DST: variants seen among roughly 807,000 people sequenced by gnomAD.
DST encodes dystonin.
A neutral mutation model predicts 875.2 loss-of-function variants in DST; 253 were observed. The ratio of observed to expected loss-of-function variants is 0.29; its 90% CI spans 0.26 to 0.32. The LOEUF (loss-of-function observed/expected upper bound fraction) is 0.32, where lower values mean the gene tolerates loss of function less well. Ranked by LOEUF, DST falls within the 10% of genes least tolerant of loss-of-function variation. DST has a pLI of 1.00. For missense variants in DST, 8,287 were observed against 9,111.6 expected (o/e 0.91, Z 3.68); for synonymous variants, 3,124 against 3,197.1 (o/e 0.98, Z 0.77).
chr6:56,749,167 A>AGG (rs2099580509), intron 4 of DST, among the ~76,000 whole-genome samples: 1 of 152,122 alleles, frequency 6.6e-6, no homozygotes, highest in Non-Finnish European at 1.5e-5. Context: ...AGGCTGGCCA[A>AGG]CATGGTGAAA....
At chr6:56,935,621 C>A (rs1273936529) in intron 2 of DST, among the ~76,000 whole-genome samples, 2 of 152,070 alleles carry the variant, frequency 1.3e-5, no homozygotes, top group South Asian at 2.1e-4. Flanking sequence ...GAGACAAATG[C>A]AGAAAATATA....
chr6:56,710,240 G>A (rs1300321968), intron 5 of DST, among the ~76,000 whole-genome samples: 1 of 152,150 alleles, frequency 6.6e-6, no homozygotes, highest in Non-Finnish European at 1.5e-5. Flanking sequence ...AATGAACCTT[G>A]GGTAAAATGC....
chr6:56,721,243 CT>C (rs1167774053), intron 5 of DST, among the ~76,000 whole-genome samples: 1 of 152,130 alleles, frequency 6.6e-6, no homozygotes, highest in African/African-American at 2.4e-5. Flanking sequence ...CTATCCTGTT[CT>C]TTTTTCAACA....
chr6:56,473,554 T>TAA (rs1484682254), intron 93 of DST, among the ~76,000 whole-genome samples: 1 of 152,184 alleles, frequency 6.6e-6, no homozygotes, highest in Non-Finnish European at 1.5e-5. Context: ...GTTATATATA[T>TAA]AATGGAAGAC....
chr6:56,468,992 A>C lies in DST; in HGVS notation c.22559T>G (p.Leu7520Arg). Residue 7520 changes from leucine (L) to arginine (R), a missense_variant, in exon 98 of 104, where the codon CTG (leucine) becomes CGG (arginine). Leu to Arg is a moderately radical substitution (Grantham distance 102). Transcript: ENST00000680361. ...QIGDNKYRFF[L>R]GNQFGDSQQL... ...TCCACTGGTTTATACCTGATTTCCC[A>C]GGAAGAACTGATAAAAATGAAAAAT... The C allele has an allele frequency of 6.3e-7, 1 of 1,579,116 alleles. No individual in the cohort carries two copies. The highest frequency in any genetic ancestry group is 8.6e-7 in the Non-Finnish European group (1 of 1,160,642).
chr6:56,691,711 T>C (rs550431410), intron 9 of DST, among the ~76,000 whole-genome samples: 1 of 152,078 alleles, frequency 6.6e-6, no homozygotes, highest in South Asian at 2.2e-4. Flanking sequence ...TAAAGCTAAA[T>C]ATCAGTGTTA....
Position 56,489,557 on chromosome 6 carries a change from G to C in DST, c.20810C>G (p.Ser6937Cys). Residue 6937 changes from serine (S) to cysteine (C), a missense_variant, in exon 86 of 104, where the codon TCT becomes TGT. Ser to Cys is a moderately radical substitution (Grantham distance 112, BLOSUM62 -1). This residue lies in a region of DST where 1,292 missense variants were observed against 1,552.7 expected (regional missense o/e 0.83). Coordinates refer to ENST00000680361, the MANE Select transcript of DST (RefSeq NM_001374736.1). ...TGCGATTTCCAGTTCAGAATCCAAAGACTTTTCTGACTCTTCTAGCCACTC... is the reference window on the plus strand; with the variant it reads ...TGCGATTTCCAGTTCAGAATCCAAACACTTTTCTGACTCTTCTAGCCACTC... The part of the protein sequence containing the change: ...LMEWLEESEK[S>C]LDSELEIAND... 1 of 1,613,140 alleles carries C rather than the reference G, an allele frequency of 6.2e-7. No homozygotes were observed. Among genetic ancestry groups the C allele is most frequent in the Middle Eastern group, 1.7e-4 (1 of 6,058 alleles).
chr6:56,590,474 C>A (rs559567338), intron 49 of DST, among the ~76,000 whole-genome samples: 8 of 152,100 alleles, frequency 5.3e-5, no homozygotes, highest in Admixed American at 2.0e-4. Context: ...TTAAATGATA[C>A]GTATTTCCTA....
chr6:56,900,627 G>GC lies in DST; in HGVS notation c.217-7dup. ...CGAGGGCTTGCTCTGAATCCCTGTG[G>GC]CAGAAAACACAACCAAGCAAATCCA... On this transcript the variant is annotated splice_region_variant and splice_polypyrimidine_tract_variant and intron_variant, in intron 2 of 103. Coordinates refer to ENST00000680361, the MANE Select transcript of DST (RefSeq NM_001374736.1). 7.3e-7 allele frequency: 1 copy of GC among 1,366,722 alleles called. No homozygotes were observed. The highest frequency in any genetic ancestry group is 9.8e-7 in the Non-Finnish European group (1 of 1,021,498). 84.7% of individuals were successfully genotyped at this position (1,366,722 alleles called of 1,614,324 possible).
Position 56,472,154 on chromosome 6 carries a change from T to C in DST, c.22063A>G (p.Arg7355Gly), listed in dbSNP as rs1254782360. ...SQTQIETKNP[R>G]VNLLVSKWQQ... ...CATTTGCTCACCAGTAAGTTTACCC[T>C]AGGATTTTTGGTTTCAATTTGTGTC... The change falls in exon 94 of 104, where the codon AGG (arginine) becomes GGG (glycine). Residue 7355 changes from arginine to glycine, a missense_variant. By Grantham distance (125) the Arg-to-Gly change is moderately radical (BLOSUM62 -2). This residue lies in a region of DST where 1,292 missense variants were observed against 1,552.7 expected (regional missense o/e 0.83). Coordinates refer to ENST00000680361, the MANE Select transcript of DST (RefSeq NM_001374736.1). 6.2e-7 allele frequency: 1 copy of C among 1,613,808 alleles called. No individual in the cohort carries two copies. Among genetic ancestry groups the C allele is most frequent in the Non-Finnish European group, 8.5e-7 (1 of 1,179,846 alleles).
chr6:56,565,635 C>CATCTCATGAGATGTCT (rs2097661741), intron 55 of DST, among the ~76,000 whole-genome samples: 1 of 152,184 alleles, frequency 6.6e-6, no homozygotes, highest in Non-Finnish European at 1.5e-5. Flanking sequence ...TGTCTGTCGA[C>CATCTCATGAGATGTCT]CCCTGCTGGG....
intron 9 of DST, among the ~76,000 whole-genome samples, chr6:56,693,800 AAAT>A (rs1186721422): frequency 2.6e-5 from 4 of 152,148 alleles, no homozygotes; most frequent in East Asian, 1.9e-4. Context: ...AAGTCATAAA[AAAT>A]AATAAGCTGA....
intron 2 of DST, among the ~76,000 whole-genome samples, chr6:56,944,109 C>T (rs1202534552): frequency 6.6e-6 from 1 of 151,912 alleles, no homozygotes; most frequent in African/African-American, 2.4e-5. Flanking sequence ...AGAGAGAGAC[C>T]CTGTCTCAAA....
chr6:56,560,476 CAAT>C, intron 57 of DST, 53 bp from the exon 58 acceptor site: 2 of 1,507,290 alleles, frequency 1.3e-6, no homozygotes, highest in Admixed American at 4.1e-5. Flanking sequence ...GACAAAAATA[CAAT>C]AATGATAGAG....
intron 64 of DST, among the ~76,000 whole-genome samples, chr6:56,532,097 G>A (rs1467404051): frequency 1.3e-5 from 2 of 152,138 alleles, no homozygotes; most frequent in Admixed American, 1.3e-4. Flanking sequence ...CAGTAACTAT[G>A]TAATAAACAA....
chr6:56,492,422 A>T lies in DST; in HGVS notation c.20562T>A (p.Asn6854Lys). 6.2e-7 allele frequency: 1 copy of T among 1,611,148 alleles called. No homozygotes were observed. Among genetic ancestry groups the T allele is most frequent in the Non-Finnish European group, 8.5e-7 (1 of 1,179,268 alleles). ...FQIDEHKVFA[N>K]EVNSHREQII... ...TCTGCTCACGATGAGAATTTACTTC[A>T]TTGGCAAAAACCTTTCCCAGAAAAA... is the stretch of plus-strand genomic sequence containing the variant. The change falls in exon 85 of 104, where the codon AAT becomes AAA. Residue 6854 changes from asparagine (N) to lysine (K), a missense_variant. Around this residue, in one of 10 missense-constraint regions of DST, gnomAD observed 1,292 missense variants for 1,552.7 expected, o/e 0.83. Transcript: ENST00000680361.
intron 36 of DST, chr6:56,619,848 T>A: frequency 6.2e-7 from 1 of 1,614,184 alleles, no homozygotes; most frequent in Non-Finnish European, 8.5e-7. Flanking sequence ...GATGACGTTT[T>A]TTCAAGCTGG....
chr6:56,578,418 C>CT (rs1388358319), intron 50 of DST, among the ~76,000 whole-genome samples: 1 of 152,058 alleles, frequency 6.6e-6, no homozygotes, highest in Non-Finnish European at 1.5e-5. Flanking sequence ...TTCTCAACCT[C>CT]TTAAACCCAC....
At chr6:56,723,834 G>A (rs559174334) in intron 5 of DST, among the ~76,000 whole-genome samples, 1 of 152,242 alleles carries the variant, frequency 6.6e-6, no homozygotes, top group African/African-American at 2.4e-5. Context: ...GTATGCTAAT[G>A]TGTACCATAA....
Sources: allele counts gnomAD v4.1 joint callset (sites outside exome capture counted in the v4.1 genomes callset), GRCh38; gene constraint gnomAD v4.1.1; regional missense constraint gnomAD v4.1.1; transcripts MANE v1.5; gene names NCBI Gene and HGNC (gene_info 2026-07-23, HGNC 2026-07-21).